PCCA: variants seen among roughly 807,000 people sequenced by gnomAD.
PCCA encodes the protein propionyl-CoA carboxylase alpha chain, mitochondrial.
Under a neutral mutation model 101.3 loss-of-function variants are expected in PCCA, and 74 were observed. The ratio of observed to expected loss-of-function variants is 0.73; its 90% CI spans 0.61 to 0.89. PCCA has a LOEUF of 0.89. Ranked by LOEUF, PCCA falls within the 40% of genes least tolerant of loss-of-function variation. The pLI is 0.00. For synonymous variants in PCCA, 294 were observed against 313.6 expected, an observed-to-expected ratio of 0.94 and a Z score of 0.66; for missense variants, 891 against 907.0, an observed-to-expected ratio of 0.98 and a Z score of 0.23.
chr13:100,302,833 C>G, intron 13 of PCCA, 91 bp from the exon 14 acceptor site: 1 of 797,672 alleles, frequency 1.3e-6, no homozygotes, highest in Non-Finnish European at 2.3e-6. Context: ...GAAAATAGAC[C>G]TATAAATGGT....
At position 100,449,260 on chromosome 13, in the gene PCCA, T is replaced by C. The variant is rs2081054968; in HGVS notation, c.1854T>C (p.Ser618=). 1 of 1,539,314 alleles carries C rather than the reference T, an allele frequency of 6.5e-7. No individual in the cohort carries two copies. The highest frequency in any genetic ancestry group is 8.8e-7 in the Non-Finnish European group (1 of 1,135,958). ...DGTQRTVQCL[S]REAGGNMSIQ... ...TCTTGTTTGTTTTTTAGTGTCTTTC[T>C]CGAGAAGCAGGTGGAAACATGAGCA... is the stretch of plus-strand genomic sequence containing the variant. Residue 618 remains serine, a synonymous_variant, in exon 21 of 24, where the codon TCT becomes TCC. Coordinates refer to ENST00000376285, the MANE Select transcript of PCCA (RefSeq NM_000282.4).
intron 7 of PCCA, among the ~76,000 whole-genome samples, chr13:100,232,237 G>C (rs1112044): frequency 6.6e-6 from 1 of 151,802 alleles, no homozygotes; most frequent in African/African-American, 2.4e-5. Flanking sequence ...CTTTCCCTAT[G>C]AAATTGCTTC....
intron 4 of PCCA, among the ~76,000 whole-genome samples, chr13:100,153,284 A>G (rs760696247): frequency 3.3e-5 from 5 of 152,230 alleles, no homozygotes; most frequent in African/African-American, 1.2e-4. Context: ...TGTGCAAAGC[A>G]GTTAAAATGA....
chr13:100,396,202 A>G (rs1437982687), intron 19 of PCCA, among the ~76,000 whole-genome samples: 1 of 152,202 alleles, frequency 6.6e-6, no homozygotes, highest in Non-Finnish European at 1.5e-5. Flanking sequence ...ATGTTGGCAT[A>G]GAGGAAAACC....
rs76521836 is a variant in PCCA at position 100,096,814 on chromosome 13, G to A, written c.106-6069G>A. ...TAGCCTAATCCAGCGCAAGGTCCTCGCTTCAGTTCTGCGAAGGCTGAGAGA... is the reference window on the plus strand; with the variant it reads ...TAGCCTAATCCAGCGCAAGGTCCTCACTTCAGTTCTGCGAAGGCTGAGAGA... On this transcript the variant is annotated intron_variant, in intron 1 of 23. Transcript: ENST00000376285. 7.3e-3 allele frequency among the ~76,000 whole-genome samples: 1,114 copies of A among 152,326 alleles called. 18 individuals carry two copies. Among genetic ancestry groups the A allele is most frequent in the African/African-American group, 0.017 (726 of 41,576 alleles).
At chr13:100,467,377 ACAT>A (rs2082613031) in intron 21 of PCCA, among the ~76,000 whole-genome samples, 1 of 151,918 alleles carries the variant, frequency 6.6e-6, no homozygotes, top group Non-Finnish European at 1.5e-5. Flanking sequence ...AGGAGTGGGC[ACAT>A]TCTTTTTTTG....
chr13:100,425,857 A>G (rs2079106523), intron 20 of PCCA, 126 bp downstream of exon 20: 30 of 692,800 alleles, frequency 4.3e-5, no homozygotes, highest in South Asian at 4.3e-4. Flanking sequence ...TACTTTTTAC[A>G]GTCGAAAACT....
At chr13:100,459,520 A>T (rs1311035699) in intron 21 of PCCA, among the ~76,000 whole-genome samples, 2 of 152,242 alleles carry the variant, frequency 1.3e-5, no homozygotes, top group African/African-American at 4.8e-5. Context: ...AGGAACACTG[A>T]TGATGGCTAT....
intron 19 of PCCA, among the ~76,000 whole-genome samples, chr13:100,407,502 G>A (rs906311610): frequency 1.3e-5 from 2 of 152,108 alleles, no homozygotes; most frequent in African/African-American, 2.4e-5. Flanking sequence ...AGCCCTTTAC[G>A]AATTTTGCCA....
At position 100,530,276 on chromosome 13, in the gene PCCA, T is replaced by TAA. The variant is rs2153011098; in HGVS notation, c.*111_*112insAA. 1.1e-6 allele frequency: 1 copy of TAA among 877,674 alleles called. No individual in the cohort carries two copies. The highest frequency in any genetic ancestry group is 1.6e-5 in the African/African-American group (1 of 60,898). The allele number at this position is 877,674 out of a possible 1,614,324, so 54.4% of individuals were successfully genotyped here. On this transcript the variant is annotated 3_prime_UTR_variant, in exon 24 of 24. Coordinates refer to ENST00000376285, the MANE Select transcript of PCCA (RefSeq NM_000282.4). Reference sequence around the variant, plus strand: ...AGGAACACCCCTGTGCAGCTACGTTTACGTCGTCATTTATTCCACAGAGTC... The same window carrying TAA: ...AGGAACACCCCTGTGCAGCTACGTTTAAACGTCGTCATTTATTCCACAGAGTC...
chr13:100,133,447 G>C (rs1430690191), intron 4 of PCCA, among the ~76,000 whole-genome samples: 1 of 152,106 alleles, frequency 6.6e-6, no homozygotes, highest in African/African-American at 2.4e-5. Context: ...GTGTTTTACT[G>C]TCATGTCTAA....
At chr13:100,399,934 G>A (rs1421749096) in intron 19 of PCCA, among the ~76,000 whole-genome samples, 1 of 152,190 alleles carries the variant, frequency 6.6e-6, no homozygotes, top group East Asian at 1.9e-4. Context: ...GGAATAAAAA[G>A]GAGATAACAA....
At chr13:100,200,964 T>C (rs2058446471) in intron 6 of PCCA, among the ~76,000 whole-genome samples, 1 of 152,196 alleles carries the variant, frequency 6.6e-6, no homozygotes, top group South Asian at 2.1e-4. Flanking sequence ...TTCAGAATTC[T>C]GACTCTCAAG....
At chr13:100,283,597 C>T (rs1333557788) in intron 12 of PCCA, among the ~76,000 whole-genome samples, 1 of 152,082 alleles carries the variant, frequency 6.6e-6, no homozygotes, top group Non-Finnish European at 1.5e-5. Context: ...GGAGAAAGCT[C>T]GAAAAGCAAT....
At chr13:100,276,425 G>C (rs1161953596) in intron 12 of PCCA, among the ~76,000 whole-genome samples, 1 of 151,792 alleles carries the variant, frequency 6.6e-6, no homozygotes, top group Admixed American at 6.6e-5. Flanking sequence ...TTGCTGATTC[G>C]TGTACATGTA....
chr13:100,345,067 C>G (rs926334955), intron 18 of PCCA, among the ~76,000 whole-genome samples: 4 of 152,120 alleles, frequency 2.6e-5, no homozygotes, highest in Non-Finnish European at 4.4e-5. Context: ...CTTGGGTCTC[C>G]CTATTCCCTG....
intron 1 of PCCA, among the ~76,000 whole-genome samples, chr13:100,097,906 C>A (rs1474379422): frequency 6.6e-6 from 1 of 152,038 alleles, no homozygotes; most frequent in Non-Finnish European, 1.5e-5. Context: ...CATCCATAGT[C>A]CCAGCTATTC....
At chr13:100,148,002 C>T (rs1034415451) in intron 4 of PCCA, among the ~76,000 whole-genome samples, 7 of 152,084 alleles carry the variant, frequency 4.6e-5, no homozygotes, top group African/African-American at 1.2e-4. Flanking sequence ...AGGTTGGACT[C>T]GAACTCCTGG....
intron 21 of PCCA, among the ~76,000 whole-genome samples, chr13:100,489,629 A>T (rs2084735153): frequency 6.6e-6 from 1 of 152,242 alleles, no homozygotes; most frequent in Non-Finnish European, 1.5e-5. Context: ...TGTTGCAAAT[A>T]ACATTGTTAA....
Sources: gnomAD v4.1 joint callset for allele counts (sites outside exome capture counted in the v4.1 genomes callset) on GRCh38, gnomAD v4.1.1 for gene constraint, MANE v1.5 for transcripts, NCBI Gene and HGNC (gene_info 2026-07-23, HGNC 2026-07-21) for gene names.